The following ZEB2 variants were observed in gnomAD, a reference collection of about 807,000 sequenced individuals.
ZEB2 encodes zinc finger E-box-binding homeobox 2.
Under a neutral mutation model 99.9 loss-of-function variants are expected in ZEB2, and 6 were observed. The observed-to-expected ratio is 0.06, with a 90% CI of 0.03 to 0.12. ZEB2 has a LOEUF of 0.12. Among genes scored for constraint, ZEB2 ranks in the 10% least tolerant of loss-of-function variants. The pLI is 1.00. For synonymous variants in ZEB2, 517 were observed against 542.5 expected, an observed-to-expected ratio of 0.95 and a Z score of 0.65; for missense variants, 969 against 1,502.8, an observed-to-expected ratio of 0.64 and a Z score of 5.87.
Position 144,398,631 on chromosome 2 carries a change from T to A in ZEB2, c.2556A>T (p.Ser852=). 1 of 1,614,186 alleles carries A rather than the reference T, an allele frequency of 6.2e-7. No homozygotes were observed. The highest frequency in any genetic ancestry group is 1.7e-4 in the Middle Eastern group (1 of 6,058). ...TCAGAGGCTCATCTGAGTTTTCAGATGAGGAAGAAACACTGTTATGATCTA... is the reference window on the plus strand; with the variant it reads ...TCAGAGGCTCATCTGAGTTTTCAGAAGAGGAAGAAACACTGTTATGATCTA... ...ISLDHNSVSS[S]SENSDEPLNL... Residue 852 remains serine, a synonymous_variant, in exon 8 of 10, where the codon TCA becomes TCT. Coordinates refer to ENST00000627532, the MANE Select transcript of ZEB2 (RefSeq NM_014795.4).
intron 2 of ZEB2, among the ~76,000 whole-genome samples, chr2:144,481,420 T>C (rs1272094573): frequency 6.6e-6 from 1 of 152,206 alleles, no homozygotes; most frequent in East Asian, 1.9e-4. Flanking sequence ...TATAGCAACA[T>C]GGAAATTGTA....
intron 8 of ZEB2, 117 bp from the exon 9 acceptor site, chr2:144,396,709 T>A: frequency 8.9e-7 from 1 of 1,117,440 alleles, no homozygotes; most frequent in Non-Finnish European, 1.3e-6. Flanking sequence ...TTGATTGAGT[T>A]AAACATTTTT....
chr2:144,478,550 AGCTT>A (rs1704463180), intron 2 of ZEB2, among the ~76,000 whole-genome samples: 1 of 152,224 alleles, frequency 6.6e-6, no homozygotes, highest in Non-Finnish European at 1.5e-5. Context: ...TTAATTCCTG[AGCTT>A]GCTTATCAGG....
chr2:144,470,274 A>G (rs1483594936), intron 2 of ZEB2, among the ~76,000 whole-genome samples: 2 of 152,200 alleles, frequency 1.3e-5, no homozygotes, highest in Admixed American at 6.5e-5. Context: ...TTTCAACTTG[A>G]GGGCAAATAA....
chr2:144,498,636 A>G (rs1704824042), intron 2 of ZEB2, among the ~76,000 whole-genome samples: 1 of 152,184 alleles, frequency 6.6e-6, no homozygotes, highest in African/African-American at 2.4e-5. Flanking sequence ...TTCTACTTGT[A>G]ATATTAAATG....
chr2:144,483,491 C>G (rs749335636), intron 2 of ZEB2, among the ~76,000 whole-genome samples: 4 of 152,112 alleles, frequency 2.6e-5, no homozygotes, highest in Non-Finnish European at 5.9e-5. Flanking sequence ...AAAAATATAA[C>G]TTTTAAAATC....
At position 144,389,488 on chromosome 2, in the gene ZEB2, G is replaced by A. The variant is rs758670673; in HGVS notation, c.3608C>T (p.Ser1203Leu). ...SSEDGKMETK[S>L]DHEEDNMEDG... Reference sequence around the variant, plus strand: ...TTCCATATTGTCTTCCTCGTGGTCTGATTTGGTTTCCATTTTCCCATCCTC... The same window carrying A: ...TTCCATATTGTCTTCCTCGTGGTCTAATTTGGTTTCCATTTTCCCATCCTC... Residue 1203 changes from serine to leucine, a missense_variant, in exon 10 of 10, where the codon TCA (serine) becomes TTA (leucine). By Grantham distance (145) the Ser-to-Leu change is moderately radical. Transcript: ENST00000627532. This position sits in a 1 kb window ranked among gnomAD's most constrained non-coding sequence, Gnocchi z 6.8. 7.4e-6 allele frequency: 12 copies of A among 1,613,968 alleles called. No individual in the cohort carries two copies. The highest frequency in any genetic ancestry group is 1.7e-5 in the Admixed American group (1 of 59,992).
chr2:144,422,279 C>G (rs916415365), intron 4 of ZEB2, among the ~76,000 whole-genome samples: 1 of 152,146 alleles, frequency 6.6e-6, no homozygotes, highest in African/African-American at 2.4e-5. Flanking sequence ...AGCTTTATTT[C>G]CCAGAAATTG....
At chr2:144,509,388 G>C (rs1296395341) in intron 2 of ZEB2, among the ~76,000 whole-genome samples, 1 of 152,260 alleles carries the variant, frequency 6.6e-6, no homozygotes, top group African/African-American at 2.4e-5. Flanking sequence ...GGGGTGGAAG[G>C]TGTAGGGATA....
intron 2 of ZEB2, chr2:144,461,843 G>A (rs991285174): frequency 2.0e-5 from 3 of 152,104 alleles, no homozygotes; most frequent in African/African-American, 7.2e-5. Flanking sequence ...TTCGGAGAGC[G>A]CAGATCACCG....
chr2:144,461,568 T>C (rs1356953544), intron 2 of ZEB2: 1 of 152,196 alleles, frequency 6.6e-6, no homozygotes, highest in African/African-American at 2.4e-5. Flanking sequence ...ATTGCAACTG[T>C]GTGCCTCTGT....
intron 1 of ZEB2, among the ~76,000 whole-genome samples, chr2:144,519,045 C>T (rs1705220872): frequency 6.6e-6 from 1 of 152,200 alleles, no homozygotes; most frequent in Admixed American, 6.5e-5. Context: ...GTTAGCCGGG[C>T]TCATCACTGT....
At chr2:144,395,337 C>A (rs953941475) in intron 9 of ZEB2, among the ~76,000 whole-genome samples, 1 of 151,878 alleles carries the variant, frequency 6.6e-6, no homozygotes, top group African/African-American at 2.4e-5. Context: ...TTCTTTTGTG[C>A]CTCATCATCG....
chr2:144,500,182 T>G (rs1219163876), intron 2 of ZEB2, among the ~76,000 whole-genome samples: 1 of 152,032 alleles, frequency 6.6e-6, no homozygotes, highest in Non-Finnish European at 1.5e-5. Context: ...GCTAATTACA[T>G]TTTTTTTACT....
intron 2 of ZEB2, chr2:144,514,122 C>A (rs544557109): frequency 1.1e-4 from 35 of 308,248 alleles, no homozygotes; most frequent in Non-Finnish European, 1.9e-4. Context: ...ATCTTGCTAG[C>A]CTGAGAATCT....
At chr2:144,404,748 T>G (rs1478409039) in intron 5 of ZEB2, 88 bp downstream of exon 5, 1 of 1,482,554 alleles carries the variant, frequency 6.7e-7, no homozygotes, top group South Asian at 1.2e-5. Context: ...CTTCAAATTT[T>G]AAGGTAAACA....
At chr2:144,396,071 T>A (rs1302448014) in intron 9 of ZEB2, among the ~76,000 whole-genome samples, 1 of 152,230 alleles carries the variant, frequency 6.6e-6, no homozygotes, top group Non-Finnish European at 1.5e-5. Flanking sequence ...TATAGGTTCA[T>A]CTTAAGCTTT....
Position 144,400,290 on chromosome 2 carries a change from T to A in ZEB2, c.917-20A>T. Reference sequence around the variant, plus strand: ...TTTCACCTAAAATGATAATTAAAATTACCGTTACATTTCCTTGATTAGATA... The same window carrying A: ...TTTCACCTAAAATGATAATTAAAATAACCGTTACATTTCCTTGATTAGATA... On this transcript the variant is annotated intron_variant, in intron 7 of 9. Coordinates refer to ENST00000627532, the MANE Select transcript of ZEB2 (RefSeq NM_014795.4). The A allele has an allele frequency of 1.2e-6, 2 of 1,602,320 alleles. No homozygotes were observed. Among genetic ancestry groups the A allele is most frequent in the Non-Finnish European group, 1.7e-6 (2 of 1,178,918 alleles).
At chr2:144,437,935 C>T (rs527345082) in intron 2 of ZEB2, among the ~76,000 whole-genome samples, 2 of 152,132 alleles carry the variant, frequency 1.3e-5, no homozygotes, top group Admixed American at 6.5e-5. Flanking sequence ...TTTAGTTGCC[C>T]CACCCTAAAC....
Sources: gnomAD v4.1 joint callset for allele counts (sites outside exome capture counted in the v4.1 genomes callset) on GRCh38, gnomAD v4.1.1 for gene constraint, Gnocchi (gnomAD v3.1) non-coding constraint, MANE v1.5 for transcripts, NCBI Gene and HGNC (gene_info 2026-07-23, HGNC 2026-07-21) for gene names.